The following PABPC1 variants were observed in gnomAD, a reference collection of about 807,000 sequenced individuals.
PABPC1 encodes the protein poly(A) binding protein cytoplasmic 1.
Under a neutral mutation model 74.0 loss-of-function variants are expected in PABPC1, and 4 were observed. That is an observed-to-expected ratio of 0.05 (90% CI 0.03 to 0.12). The LOEUF (loss-of-function observed/expected upper bound fraction) is 0.12. Among genes scored for constraint, PABPC1 ranks in the 10% least tolerant of loss-of-function variants. PABPC1 has a pLI of 1.00. For synonymous variants in PABPC1, 227 were observed against 264.1 expected, an observed-to-expected ratio of 0.86 and a Z score of 1.36; for missense variants, 271 against 821.1, an observed-to-expected ratio of 0.33 and a Z score of 8.19.
Position 100,712,804 on chromosome 8 carries a change from A to AAAG in PABPC1, c.739-16_739-15insCTT, listed in dbSNP as rs1182009266. The AAAG allele has an allele frequency of 6.6e-7, 1 of 1,505,358 alleles. No homozygotes were observed. Among genetic ancestry groups the AAAG allele is most frequent in the Non-Finnish European group, 8.7e-7 (1 of 1,142,876 alleles). The allele number at this position is 1,505,358 out of a possible 1,614,324, so 93.3% of individuals were successfully genotyped here. On this transcript the variant is annotated splice_polypyrimidine_tract_variant and intron_variant, in intron 5 of 14. Coordinates refer to ENST00000318607, the MANE Select transcript of PABPC1 (RefSeq NM_002568.4). Reference sequence around the variant, plus strand: ...TCATCCACAGCCTTCCCCCCAAAAAAAAAGAAAAAAAAAAAATCACAAAAC... The same window carrying AAAG: ...TCATCCACAGCCTTCCCCCCAAAAAAAAGAAAGAAAAAAAAAAAATCACAAAAC...
At chr8:100,709,401 C>T (rs1810470416) in intron 8 of PABPC1, 58 bp downstream of exon 8, 6 of 1,598,216 alleles carry the variant, frequency 3.8e-6, no homozygotes, top group Non-Finnish European at 4.3e-6. Context: ...GCACAAAAAA[C>T]ACTAGAAATG....
intron 3 of PABPC1, among the ~76,000 whole-genome samples, chr8:100,716,563 TAAA>T (rs1810675331): frequency 6.6e-6 from 1 of 152,196 alleles, no homozygotes; most frequent in Non-Finnish European, 1.5e-5. Flanking sequence ...AAAAGTAAAA[TAAA>T]AATAATTTCC....
At chr8:100,709,326 C>T (rs979855901) in intron 8 of PABPC1, 103 bp from the exon 9 acceptor site, 12 of 1,463,766 alleles carry the variant, frequency 8.2e-6, no homozygotes, top group Non-Finnish European at 1.0e-5. Context: ...ACTTCACACT[C>T]AAGCATTTTT....
intron 14 of PABPC1, among the ~76,000 whole-genome samples, chr8:100,703,819 G>T (rs79842264): frequency 0.05 from 7,582 of 152,224 alleles, 623 homozygotes; most frequent in African/African-American, 0.17. Context: ...GGAGGCCGAG[G>T]TGGGCGGATC....
chr8:100,709,077 C>A, intron 9 of PABPC1, 56 bp downstream of exon 9: 1 of 1,279,424 alleles, frequency 7.8e-7, no homozygotes. Flanking sequence ...GCTGATTTAC[C>A]CAATGTGTTA....
Position 100,721,292 on chromosome 8 carries a change from GC to G in PABPC1, c.193+98del. The G allele has an allele frequency of 4.1e-6, 1 of 242,832 alleles. No individual in the cohort carries two copies. The allele number at this position is 242,832 out of a possible 1,614,324, so 15.0% of individuals were successfully genotyped here. A position where few individuals can be genotyped will look rare whatever the true frequency, so the allele number is the denominator to read the frequency against. Reference sequence around the variant, plus strand: ...CCGTCGCGGGGTGACATGCCCTCCCGCCCCCCTCCCCGGGCCCGCCGGCCTA... The same window carrying G: ...CCGTCGCGGGGTGACATGCCCTCCCGCCCCCTCCCCGGGCCCGCCGGCCTA... On this transcript the variant is annotated intron_variant, in intron 1 of 14. Coordinates refer to ENST00000318607, the MANE Select transcript of PABPC1 (RefSeq NM_002568.4). The surrounding 1 kb of genome is among the most constrained non-coding windows in gnomAD (Gnocchi z 7.4).
chr8:100,703,409 A>G (rs969646187), intron 14 of PABPC1, 50 bp from the exon 15 acceptor site: 3 of 152,766 alleles, frequency 2.0e-5, no homozygotes, highest in Admixed American at 2.0e-4. Context: ...ACTTGTCAGT[A>G]GCAAATTAAA....
intron 13 of PABPC1, 88 bp from the exon 14 acceptor site, chr8:100,704,478 G>A (rs1271156345): frequency 1.5e-5 from 17 of 1,097,496 alleles, no homozygotes; most frequent in East Asian, 2.4e-5. Context: ...TCCCAACAAA[G>A]ATAAGTTTCT....
rs1810831329 is a variant in PABPC1, at chr8:100,721,521, G to A, written c.63C>T (p.Asp21=). 1.2e-6 allele frequency: 2 copies of A among 1,611,140 alleles called. No individual in the cohort carries two copies. The highest frequency in any genetic ancestry group is 1.7e-6 in the Non-Finnish European group (2 of 1,178,398). Residue 21 remains aspartate, a synonymous_variant, in exon 1 of 15, where the codon GAC becomes GAT. Coordinates refer to ENST00000318607, the MANE Select transcript of PABPC1 (RefSeq NM_002568.4). The surrounding 1 kb of genome is among the most constrained non-coding windows in gnomAD (Gnocchi z 7.4). ...ASLYVGDLHP[D]VTEAMLYEKF... ...TCTCGTAGAGCATCGCCTCGGTCAC[G>A]TCGGGGTGGAGGTCCCCCACGTAGA...
intron 12 of PABPC1, 67 bp from the exon 13 acceptor site, chr8:100,705,123 C>A (rs776347730): frequency 5.3e-5 from 70 of 1,331,564 alleles, no homozygotes; most frequent in Middle Eastern, 1.9e-4. Flanking sequence ...TGAATTACCA[C>A]ATTAAACTGG....
Position 100,708,214 on chromosome 8 carries a change from T to C in PABPC1, c.1336+919A>G, listed in dbSNP as rs113615040. ...CTGGGTGGTTTGCCGCCCACACTTA[T>C]AAATATACCTGAAACATAATCATGA... On this transcript the variant is annotated intron_variant, in intron 9 of 14. Transcript: ENST00000318607. Among the ~76,000 whole-genome samples the C allele has an allele frequency of 8.7e-3, 1,325 of 152,330 alleles. 15 individuals are homozygous for C. Among genetic ancestry groups the C allele is most frequent in the African/African-American group, 0.03 (1,241 of 41,584 alleles).
chr8:100,716,574 T>C (rs1245990966), intron 3 of PABPC1, among the ~76,000 whole-genome samples: 1 of 152,238 alleles, frequency 6.6e-6, no homozygotes, highest in Non-Finnish European at 1.5e-5. Flanking sequence ...AAAAATAATT[T>C]CCTTATCTCT....
chr8:100,720,531 G>A (rs1028001100), intron 1 of PABPC1, among the ~76,000 whole-genome samples: 1 of 152,118 alleles, frequency 6.6e-6, no homozygotes, highest in Admixed American at 6.5e-5. Flanking sequence ...ATAAAGAAAA[G>A]CCCCTCAAAA....
rs772836323 is a variant in PABPC1, at chr8:100,715,502, G to A, written c.603C>T (p.Asp201=). The change falls in exon 4 of 15, where the codon GAC becomes GAT. Residue 201 remains aspartate, a synonymous_variant. Transcript: ENST00000318607. ...GATCCTTAAGGCGCTCATCATCCAT[G>A]TCTTCTCCAAAATTCTTGATGTAAA... ...TNVYIKNFGE[D]MDDERLKDLF... The A allele has an allele frequency of 2.5e-6, 4 of 1,613,000 alleles. No homozygotes were observed. The highest frequency in any genetic ancestry group is 8.5e-7 in the Non-Finnish European group (1 of 1,179,268).
At chr8:100,714,582 T>C (rs1457760685) in intron 4 of PABPC1, among the ~76,000 whole-genome samples, 1 of 151,830 alleles carries the variant, frequency 6.6e-6, no homozygotes, top group African/African-American at 2.4e-5. Flanking sequence ...AATACAAAAA[T>C]TAGCTGGGCA....
rs1810281789 is a variant in PABPC1, at chr8:100,703,011, C to A, written c.*350G>T. 6.4e-6 allele frequency: 1 copy of A among 156,206 alleles called. No homozygotes were observed. The allele number at this position is 156,206 out of a possible 1,614,324, so 9.7% of individuals were successfully genotyped here. On this transcript the variant is annotated 3_prime_UTR_variant, in exon 15 of 15. Transcript: ENST00000318607. ...ATTCTGTTACTTAAAACAGAACTGACATTCTGAGCTATTCCACAGTAAAGA... is the reference window on the plus strand; with the variant it reads ...ATTCTGTTACTTAAAACAGAACTGAAATTCTGAGCTATTCCACAGTAAAGA...
rs1466395053 is a variant in PABPC1 at position 100,721,247 on chromosome 8, C to A, written c.193+144G>T. 11 of 246,404 alleles carry A rather than the reference C, an allele frequency of 4.5e-5. No individual in the cohort carries two copies. Among genetic ancestry groups the A allele is most frequent in the African/African-American group, 7.0e-5 (3 of 43,030 alleles). 15.3% of individuals were successfully genotyped at this position (246,404 alleles called of 1,614,324 possible). The stretch of plus-strand genomic sequence containing the variant: ...GGCTCGGGAAACGCGGCTCCAGGGA[C>A]CCCGGCGCCTTCCCGCCGGCCGTCG... On this transcript the variant is annotated intron_variant, in intron 1 of 14. Transcript: ENST00000318607. The surrounding 1 kb of genome is among the most constrained non-coding windows in gnomAD (Gnocchi z 7.4).
Position 100,709,745 on chromosome 8 carries a change from G to GA in PABPC1, c.973-15dup, listed in dbSNP as rs530485430. The GA allele has an allele frequency of 8.0e-5, 118 of 1,477,626 alleles. No individual in the cohort carries two copies. The highest frequency in any genetic ancestry group is 1.9e-4 in the South Asian group (13 of 69,494). 91.5% of individuals were successfully genotyped at this position (1,477,626 alleles called of 1,614,324 possible). A position where few individuals can be genotyped will look rare whatever the true frequency, so the allele number is the denominator to read the frequency against. On this transcript the variant is annotated splice_polypyrimidine_tract_variant and intron_variant, in intron 7 of 14. Transcript: ENST00000318607. The stretch of plus-strand genomic sequence containing the variant: ...CTCCATCATAACCTATTAAAAAAAA[G>GA]AAAAAAAAAGTTAACGTAATGGTAG...
intron 4 of PABPC1, 122 bp from the exon 5 acceptor site, chr8:100,713,303 C>T (rs1810578176): frequency 1.9e-6 from 1 of 534,790 alleles, no homozygotes; most frequent in Non-Finnish European, 3.2e-6. Flanking sequence ...CTCCTCCCTC[C>T]CAGCCTTCTA....
Sources: allele counts gnomAD v4.1 joint callset (sites outside exome capture counted in the v4.1 genomes callset), GRCh38; gene constraint gnomAD v4.1.1; non-coding constraint Gnocchi (gnomAD v3.1); transcripts MANE v1.5; gene names NCBI Gene and HGNC (gene_info 2026-07-23, HGNC 2026-07-21).